Variants in PCDHGA9 observed in about 807,000 individuals in gnomAD.
The protein encoded by PCDHGA9 is protocadherin gamma subfamily A, 9.
PCDHGA9 carries 37 observed loss-of-function variants against 62.5 expected under a neutral mutation model. The observed-to-expected ratio is 0.59, with a 90% CI of 0.46 to 0.78. The LOEUF (loss-of-function observed/expected upper bound fraction) is 0.78. PCDHGA9 is among the 30% of genes least tolerant of loss of function. The probability of loss-of-function intolerance (pLI) is 0.00; values close to 1 mark genes in which losing one functional copy is unlikely to be tolerated. For synonymous variants in PCDHGA9, 459 were observed against 484.6 expected, an observed-to-expected ratio of 0.95 and a Z score of 0.69; for missense variants, 1,138 against 1,166.2, an observed-to-expected ratio of 0.98 and a Z score of 0.35.
chr5:141,419,240 G>C (rs753956971), intron 1 of PCDHGA9: 1 of 1,613,980 alleles, frequency 6.2e-7, no homozygotes, highest in South Asian at 1.1e-5. Flanking sequence ...CCTGGTCCAC[G>C]TGCCAGAAAA....
At chr5:141,414,936 G>T in intron 1 of PCDHGA9, 1 of 1,614,118 alleles carries the variant, frequency 6.2e-7, no homozygotes, top group South Asian at 1.1e-5. Context: ...GCTCCGCAGA[G>T]CCCGGCTACC....
chr5:141,409,823 A>G, intron 1 of PCDHGA9: 2 of 1,610,784 alleles, frequency 1.2e-6, no homozygotes, highest in Non-Finnish European at 1.7e-6. Flanking sequence ...CGGCTCGCCC[A>G]CGCTCAGCGC....
rs1226558966 is a variant in PCDHGA9, at chr5:141,432,589, G to C, written c.2424+27213G>C. The C allele has an allele frequency of 6.2e-7, 1 of 1,613,916 alleles. No homozygotes were observed. The highest frequency in any genetic ancestry group is 8.5e-7 in the Non-Finnish European group (1 of 1,179,974). The stretch of plus-strand genomic sequence containing the variant: ...CCTGGCTGTCCTACCGTCTGCTCAA[G>C]GCCAGCGAGCCGGGACTCTTCTCGG... On this transcript the variant is annotated intron_variant, in intron 1 of 3. Coordinates refer to ENST00000573521, the MANE Select transcript of PCDHGA9 (RefSeq NM_018921.3). The surrounding 1 kb of genome is among the most constrained non-coding windows in gnomAD (Gnocchi z 6.0).
chr5:141,406,707 T>C (rs1201619018), intron 1 of PCDHGA9, among the ~76,000 whole-genome samples: 1 of 152,228 alleles, frequency 6.6e-6, no homozygotes, highest in Non-Finnish European at 1.5e-5. Flanking sequence ...AGTATATGCT[T>C]GCTCAAGAGA....
intron 1 of PCDHGA9, among the ~76,000 whole-genome samples, chr5:141,420,624 CTCAA>C (rs1561789527): frequency 1.3e-5 from 2 of 152,278 alleles, no homozygotes; most frequent in Admixed American, 1.3e-4. Context: ...TCTTCATTTA[CTCAA>C]TAAAGGAACC....
At chr5:141,509,486 A>G (rs1022659275) in intron 3 of PCDHGA9, among the ~76,000 whole-genome samples, 10 of 152,132 alleles carry the variant, frequency 6.6e-5, no homozygotes, top group African/African-American at 2.4e-4. Flanking sequence ...GGTAGAGGTG[A>G]TGGCATGCTG....
chr5:141,494,323 A>T (rs1188768690), intron 1 of PCDHGA9, among the ~76,000 whole-genome samples: 1 of 152,210 alleles, frequency 6.6e-6, no homozygotes, highest in Non-Finnish European at 1.5e-5. Flanking sequence ...CCTGGCACCA[A>T]AAGGGTTACC....
chr5:141,468,339 A>G (rs1320544911), intron 1 of PCDHGA9: 2 of 151,348 alleles, frequency 1.3e-5, no homozygotes, highest in Non-Finnish European at 2.9e-5. Context: ...TCAAAAAAAA[A>G]AAAAAAAAAA....
At position 141,489,099 on chromosome 5, in the gene PCDHGA9, G is replaced by C; in HGVS notation, c.2425-5708G>C. 5.5e-6 allele frequency: 2 copies of C among 361,982 alleles called. No homozygotes were observed. The highest frequency in any genetic ancestry group is 5.0e-5 in the South Asian group (1 of 19,862). 22.4% of individuals were successfully genotyped at this position (361,982 alleles called of 1,614,324 possible). On this transcript the variant is annotated intron_variant, in intron 1 of 3. Coordinates refer to ENST00000573521, the MANE Select transcript of PCDHGA9 (RefSeq NM_018921.3). The surrounding 1 kb of genome is among the most constrained non-coding windows in gnomAD (Gnocchi z 4.5). Reference sequence around the variant, plus strand: ...CCCCGCCACTCGGTGACTAAGAACTGCTGCAAGCAGGCAAACCTCCGAGCA... The same window carrying C: ...CCCCGCCACTCGGTGACTAAGAACTCCTGCAAGCAGGCAAACCTCCGAGCA...
At chr5:141,453,475 A>C (rs2098766452) in intron 1 of PCDHGA9, among the ~76,000 whole-genome samples, 1 of 151,996 alleles carries the variant, frequency 6.6e-6, no homozygotes, top group Non-Finnish European at 1.5e-5. Context: ...ATAAAGTCAA[A>C]ACTATTAAAA....
At chr5:141,423,707 G>A in intron 1 of PCDHGA9, 1 of 1,164,238 alleles carries the variant, frequency 8.6e-7, no homozygotes, top group Non-Finnish European at 1.1e-6. Flanking sequence ...CTTGGCACAA[G>A]TCTTTTAAGG....
chr5:141,414,413 C>T, intron 1 of PCDHGA9: 1 of 1,613,830 alleles, frequency 6.2e-7, no homozygotes. Flanking sequence ...ATACACAGAG[C>T]CCTTGACAGG....
chr5:141,419,175 C>T (rs185228661), intron 1 of PCDHGA9: 2 of 1,613,966 alleles, frequency 1.2e-6, no homozygotes, highest in Non-Finnish European at 1.7e-6. Flanking sequence ...AAAACCATAA[C>T]CCTGCACATT....
chr5:141,403,391 G>A lies in PCDHGA9; in HGVS notation c.439G>A (p.Val147Ile). The change falls in exon 1 of 4, where the codon GTT becomes ATT. Residue 147 changes from valine (V) to isoleucine (I), a missense_variant. Physicochemically the swap from Val to Ile is conservative, Grantham distance 29. Coordinates refer to ENST00000573521, the MANE Select transcript of PCDHGA9 (RefSeq NM_018921.3). ...SLEVKINEIA[V>I]PGARYPLPEA... ...GGAAGTAAAAATTAACGAAATCGCGGTTCCTGGAGCACGTTATCCACTTCC... is the reference window on the plus strand; with the variant it reads ...GGAAGTAAAAATTAACGAAATCGCGATTCCTGGAGCACGTTATCCACTTCC... The A allele has an allele frequency of 1.2e-6, 2 of 1,614,046 alleles. No individual in the cohort carries two copies. The highest frequency in any genetic ancestry group is 1.7e-6 in the Non-Finnish European group (2 of 1,179,910).
intron 1 of PCDHGA9, among the ~76,000 whole-genome samples, chr5:141,467,960 C>T (rs1303642319): frequency 6.6e-6 from 1 of 151,998 alleles, no homozygotes; most frequent in Non-Finnish European, 1.5e-5. Flanking sequence ...CACCCGGCTG[C>T]CAGAAAATTT....
At chr5:141,409,735 C>T (rs763035733) in intron 1 of PCDHGA9, 1 of 1,613,006 alleles carries the variant, frequency 6.2e-7, no homozygotes, top group Admixed American at 1.7e-5. Context: ...GCGCGCAGAG[C>T]GGGGTGGTGT....
intron 1 of PCDHGA9, among the ~76,000 whole-genome samples, chr5:141,481,555 C>T (rs1013876865): frequency 3.3e-5 from 5 of 152,164 alleles, no homozygotes; most frequent in South Asian, 2.1e-4. Flanking sequence ...CAGTGGCTCA[C>T]GCCTGTAATC....
Position 141,487,491 on chromosome 5 carries a change from C to T in PCDHGA9, c.2425-7316C>T. ...GTGGGAGGCCACTCTCATGGCTGTA[C>T]ACCCTTGGCTTCTGCACCCACTCGG... is the stretch of plus-strand genomic sequence containing the variant. On this transcript the variant is annotated intron_variant, in intron 1 of 3. Transcript: ENST00000573521. This position sits in a 1 kb window ranked among gnomAD's most constrained non-coding sequence, Gnocchi z 5.0. 6.2e-7 allele frequency: 1 copy of T among 1,614,204 alleles called. No individual in the cohort carries two copies. Among genetic ancestry groups the T allele is most frequent in the Non-Finnish European group, 8.5e-7 (1 of 1,180,034 alleles).
At chr5:141,440,763 T>A (rs2098198978) in intron 1 of PCDHGA9, 1 of 152,138 alleles carries the variant, frequency 6.6e-6, no homozygotes, top group Admixed American at 6.6e-5. Flanking sequence ...AGAGCTCCCA[T>A]CCCTTAGTGC....
Sources: gnomAD v4.1 joint callset for allele counts (sites outside exome capture counted in the v4.1 genomes callset) on GRCh38, gnomAD v4.1.1 for gene constraint, Gnocchi (gnomAD v3.1) non-coding constraint, MANE v1.5 for transcripts, NCBI Gene and HGNC (gene_info 2026-07-23, HGNC 2026-07-21) for gene names.